Variants in PAK3 observed in about 807,000 individuals in gnomAD.
PAK3 encodes serine/threonine-protein kinase PAK 3.
In PAK3, 4 loss-of-function variants were observed where a neutral mutation model predicts 41.0. That is an observed-to-expected ratio of 0.10 (90% confidence interval 0.05 to 0.22). The LOEUF is 0.22. Among genes scored for constraint, PAK3 ranks in the 10% least tolerant of loss-of-function variants. The probability of loss-of-function intolerance (pLI) is 1.00; values close to 1 mark genes in which losing one functional copy is unlikely to be tolerated. For synonymous variants in PAK3, 146 were observed against 139.6 expected (o/e 1.05, Z -0.32); for missense variants, 205 against 409.9 (o/e 0.50, Z 4.32).
rs1254747565 is a variant in PAK3 at position 111,225,493 on chromosome X, T to A, written c.*5046T>A. 2 of 111,965 alleles carry A rather than the reference T, an allele frequency of 1.8e-5. No homozygotes were observed. Among genetic ancestry groups the A allele is most frequent in the Non-Finnish European group, 3.8e-5 (2 of 53,238 alleles). 9.2% of individuals were successfully genotyped at this position (111,965 alleles called of 1,213,427 possible). A position where few individuals can be genotyped will look rare whatever the true frequency, so the allele number is the denominator to read the frequency against. The stretch of plus-strand genomic sequence containing the variant: ...AGAAGCTGCCATCAGGCAAATGCTA[T>A]CCCATAATACCAGCAGTAAGCCTGG... On this transcript the variant is annotated 3_prime_UTR_variant, in exon 18 of 18. Transcript: ENST00000372007.
intron 10 of PAK3, among the ~76,000 whole-genome samples, chrX:111,166,220 C>T (rs774609963): frequency 3.6e-5 from 4 of 111,665 alleles, no homozygotes; most frequent in East Asian, 2.8e-4. Flanking sequence ...TCTGCCATTA[C>T]GCCTTTGTCT....
At chrX:111,172,961 T>G in intron 10 of PAK3, 57 bp from the exon 11 acceptor site, 1 of 642,369 alleles carries the variant, frequency 1.6e-6, no homozygotes, top group Non-Finnish European at 2.6e-6. Flanking sequence ...TATTTCTCTC[T>G]CTCTCTCTCT....
At chrX:111,216,122 G>C (rs1400308970) in intron 16 of PAK3, among the ~76,000 whole-genome samples, 1 of 112,031 alleles carries the variant, frequency 8.9e-6, no homozygotes, top group Non-Finnish European at 1.9e-5. Flanking sequence ...TAATTTTCTA[G>C]ATACTTAATC....
At chrX:111,191,213 C>T (rs771522275) in intron 11 of PAK3, among the ~76,000 whole-genome samples, 8 of 111,825 alleles carry the variant, frequency 7.2e-5, no homozygotes, top group Non-Finnish European at 1.3e-4. Context: ...ATCCTCCCAT[C>T]TCAGCCTCCT....
intron 1 of PAK3, among the ~76,000 whole-genome samples, chrX:110,999,108 G>C (rs1338918833): frequency 8.9e-6 from 1 of 111,864 alleles, no homozygotes; most frequent in African/African-American, 3.2e-5. Flanking sequence ...TGCCAAAAGA[G>C]ATGCCCCTTT....
intron 1 of PAK3, among the ~76,000 whole-genome samples, chrX:110,998,440 A>C (rs1180298862): frequency 8.9e-6 from 1 of 112,322 alleles, no homozygotes; most frequent in Non-Finnish European, 1.9e-5. Context: ...TGAATTTTGT[A>C]ACATAAAGGT....
intron 5 of PAK3, among the ~76,000 whole-genome samples, chrX:111,130,389 A>T (rs1326511431): frequency 8.9e-6 from 1 of 111,997 alleles, no homozygotes; most frequent in South Asian, 3.7e-4. Context: ...TGTGGAGGAC[A>T]TATGTTGTTT....
At chrX:111,193,925 C>T (rs2094586808) in intron 13 of PAK3, among the ~76,000 whole-genome samples, 1 of 111,636 alleles carries the variant, frequency 9.0e-6, no homozygotes, top group Non-Finnish European at 1.9e-5. Flanking sequence ...AGTTTGAGCA[C>T]CACTGGATAG....
intron 1 of PAK3, among the ~76,000 whole-genome samples, chrX:110,981,873 T>C (rs2091453243): frequency 9.0e-6 from 1 of 111,489 alleles, no homozygotes; most frequent in Non-Finnish European, 1.9e-5. Context: ...AAAGGGTAGA[T>C]TCAGGAGACA....
intron 1 of PAK3, among the ~76,000 whole-genome samples, chrX:111,069,196 G>C (rs1338142892): frequency 8.9e-6 from 1 of 112,010 alleles, no homozygotes. Flanking sequence ...GAAAGAAGGT[G>C]TTTGTCTTAT....
At chrX:110,956,787 G>A (rs2090868759) in intron 1 of PAK3, among the ~76,000 whole-genome samples, 2 of 111,688 alleles carry the variant, frequency 1.8e-5, no homozygotes, top group Admixed American at 9.5e-5. Context: ...TGGTCAGAGA[G>A]CACTTAGTCT....
At chrX:111,157,531 C>A (rs1399063121) in intron 8 of PAK3, among the ~76,000 whole-genome samples, 1 of 111,487 alleles carries the variant, frequency 9.0e-6, no homozygotes, top group African/African-American at 3.3e-5. Flanking sequence ...TGGCTCACAT[C>A]TGTAATCCCG....
At chrX:111,018,950 T>C (rs191956367) in intron 1 of PAK3, among the ~76,000 whole-genome samples, 1 of 111,491 alleles carries the variant, frequency 9.0e-6, no homozygotes, top group African/African-American at 3.3e-5. Context: ...GATGGTACCT[T>C]TTTGTACCCT....
intron 8 of PAK3, among the ~76,000 whole-genome samples, chrX:111,156,050 T>C (rs1451038284): frequency 2.7e-5 from 3 of 111,388 alleles, no homozygotes; most frequent in Non-Finnish European, 5.7e-5. Flanking sequence ...TGACGGCAAA[T>C]GTCCAGAATG....
At position 110,991,131 on chromosome X, in the gene PAK3, C is replaced by CAA. The variant is rs55734763; in HGVS notation, c.-28+46513_-28+46514dup. Reference sequence around the variant, plus strand: ...TGGATGGCAGAGCCAGACCCTGTCTCAAAAAAAAAAAGAAAAGAAAAAGAA... The same window carrying CAA: ...TGGATGGCAGAGCCAGACCCTGTCTCAAAAAAAAAAAAAGAAAAGAAAAAGAA... On this transcript the variant is annotated intron_variant, in intron 1 of 14. Transcript: ENST00000425146. 6.4e-3 allele frequency among the ~76,000 whole-genome samples: 621 copies of CAA among 97,264 alleles called. 3 individuals carry two copies. The highest frequency in any genetic ancestry group is 0.013 in the East Asian group (41 of 3,116). The allele number at this position is 97,264 out of a possible 115,157, so 84.5% of individuals were successfully genotyped here.
chrX:111,151,082 G>A lies in PAK3; in HGVS notation c.431-1328G>A, dbSNP rs779813485. Among the ~76,000 whole-genome samples the A allele has an allele frequency of 5.4e-5, 6 of 111,524 alleles. No homozygotes were observed. In the East Asian group the frequency reaches 1.7e-3, roughly 32 times the overall value. ...CCAATGTTGAAAACCTAAAAAGAAA[G>A]CCATCAAGGGAAACTTTTTACTATA... On this transcript the variant is annotated intron_variant, in intron 7 of 17. Transcript: ENST00000372007.
rs974095406 is a variant in PAK3, at chrX:111,192,166, A to G, written c.870A>G (p.Thr290=). ...GTVYTALDIA[T]GQEVAIKQMN... ...TTTATACAGCACTAGACATTGCAAC[A>G]GGACAAGAGGTAAGTGCTAACGTTC... The change falls in exon 12 of 18, where the codon ACA becomes ACG. Residue 290 remains threonine, a synonymous_variant. Coordinates refer to ENST00000372007, the MANE Select transcript of PAK3 (RefSeq NM_002578.5). 9.1e-7 allele frequency: 1 copy of G among 1,095,989 alleles called. No homozygotes were observed. 90.3% of individuals were successfully genotyped at this position (1,095,989 alleles called of 1,213,427 possible).
chrX:110,984,097 C>A (rs1163668770), intron 1 of PAK3, among the ~76,000 whole-genome samples: 1 of 112,011 alleles, frequency 8.9e-6, no homozygotes, highest in Admixed American at 9.5e-5. Context: ...GCTCTTACTG[C>A]CAGGCCTGCC....
intron 16 of PAK3, among the ~76,000 whole-genome samples, chrX:111,201,573 A>G (rs978367771): frequency 5.4e-5 from 6 of 111,539 alleles, no homozygotes; most frequent in African/African-American, 9.8e-5. Context: ...TAAGTGTAAG[A>G]AAGACAGAGT....
Sources: gnomAD v4.1 joint callset for allele counts (sites outside exome capture counted in the v4.1 genomes callset) on GRCh38, gnomAD v4.1.1 for gene constraint, MANE v1.5 for transcripts, NCBI Gene and HGNC (gene_info 2026-07-23, HGNC 2026-07-21) for gene names.